Variants in ZNF529 observed in about 807,000 individuals in gnomAD.
ZNF529 encodes zinc finger protein 529.
A neutral mutation model predicts 10.1 loss-of-function variants in ZNF529; 11 were observed. That is an observed-to-expected ratio of 1.09 (90% CI 0.69 to 1.81). The LOEUF (loss-of-function observed/expected upper bound fraction) is 1.81. Ranked by LOEUF, ZNF529 falls within the 40% of genes most tolerant of loss-of-function variation. The pLI, the probability that ZNF529 is intolerant of heterozygous loss-of-function variation, is 0.00. For synonymous variants in ZNF529, 204 were observed against 215.7 expected (o/e 0.95, Z 0.47); for missense variants, 624 against 666.8 (o/e 0.94, Z 0.71).
In ZNF529 at chr19:36,547,624, A is replaced by T. The variant is rs779400787; in HGVS notation, c.934T>A (p.Cys312Ser). ...CTGAAGTCCTTGCCACATTCCATAC[A>T]TTTGTAAGTTTTCTCATCAGTATGG... ...KIHTDEKTYK[C>S]MECGKDFRFH... Residue 312 changes from cysteine (C) to serine (S), a missense_variant, in exon 5 of 5, where the codon TGT becomes AGT. Cys to Ser is a moderately radical substitution (Grantham distance 112). Coordinates refer to ENST00000591340, the MANE Select transcript of ZNF529 (RefSeq NM_020951.5). 4 of 1,613,588 alleles carry T rather than the reference A, an allele frequency of 2.5e-6. No homozygotes were observed. The highest frequency in any genetic ancestry group is 3.4e-6 in the Non-Finnish European group (4 of 1,179,730).
intron 2 of ZNF529, among the ~76,000 whole-genome samples, chr19:36,570,455 G>T (rs893453087): frequency 2.0e-5 from 3 of 152,024 alleles, no homozygotes; most frequent in Non-Finnish European, 4.4e-5. Context: ...GAGCTTCCCT[G>T]GTTGGCCACG....
At chr19:36,602,402 A>G (rs1440029509) in intron 1 of ZNF529, among the ~76,000 whole-genome samples, 1 of 152,096 alleles carries the variant, frequency 6.6e-6, no homozygotes, top group Non-Finnish European at 1.5e-5. Context: ...ACACAAATTT[A>G]AATTGCATAT....
In ZNF529 at chr19:36,572,326, A is replaced by AC; in HGVS notation, c.14+6_14+7insG. On this transcript the variant is annotated splice_region_variant and intron_variant, in intron 2 of 4. Transcript: ENST00000591340. ...GACCAGGTAAATGAACAAAAAAAAA[A>AC]ACTAACCTTGAGTTGGCCATTAGTA... 6.4e-7 allele frequency: 1 copy of AC among 1,551,102 alleles called. No homozygotes were observed. The highest frequency in any genetic ancestry group is 2.4e-5 in the East Asian group (1 of 40,894).
chr19:36,595,532 C>T (rs774923277), intron 1 of ZNF529, among the ~76,000 whole-genome samples: 1 of 152,012 alleles, frequency 6.6e-6, no homozygotes, highest in Non-Finnish European at 1.5e-5. Context: ...CCTGTCCCTA[C>T]AACAAAACAT....
chr19:36,554,789 A>G lies in ZNF529; in HGVS notation c.116T>C (p.Val39Ala), dbSNP rs1162334501. The G allele has an allele frequency of 6.4e-7, 1 of 1,558,266 alleles. No homozygotes were observed. Among genetic ancestry groups the G allele is most frequent in the East Asian group, 2.3e-5 (1 of 42,578 alleles). ...FTVLTMDHEL[V>A]TLRDVVINFS... is the part of the protein sequence containing the mutation. ...GTTGATGACCACATCCCTGAGTGTC[A>G]CCAGTTCCTGAAACAACAAACCCGT... is the stretch of plus-strand genomic sequence containing the variant. The change falls in exon 4 of 5, where the codon GTG becomes GCG. Residue 39 changes from valine (V) to alanine (A), a missense_variant. By Grantham distance (64) the Val-to-Ala change is moderately conservative. Transcript: ENST00000591340.
intron 2 of ZNF529, among the ~76,000 whole-genome samples, chr19:36,585,692 G>A (rs2036565231): frequency 1.3e-5 from 2 of 152,170 alleles, no homozygotes; most frequent in Admixed American, 6.5e-5. Context: ...AGATTACTAT[G>A]AATTTTTCCT....
intron 2 of ZNF529, among the ~76,000 whole-genome samples, chr19:36,571,584 AG>A (rs2036110655): frequency 6.6e-6 from 1 of 151,820 alleles, no homozygotes; most frequent in Non-Finnish European, 1.5e-5. Context: ...CTGAGGCAGG[AG>A]ACTCACTTGA....
intron 2 of ZNF529, among the ~76,000 whole-genome samples, chr19:36,564,554 C>G (rs2035826107): frequency 6.6e-6 from 1 of 152,188 alleles, no homozygotes; most frequent in Admixed American, 6.5e-5. Context: ...AGTTAGCCAT[C>G]TCATATCAGT....
At chr19:36,558,112 AT>A (rs1403981113) in intron 2 of ZNF529, among the ~76,000 whole-genome samples, 1 of 152,186 alleles carries the variant, frequency 6.6e-6, no homozygotes, top group Non-Finnish European at 1.5e-5. Context: ...TTGAAGACAG[AT>A]TAATAGCAAT....
At position 36,554,733 on chromosome 19, in the gene ZNF529, A is replaced by G. The variant is rs2035398841; in HGVS notation, c.172T>C (p.Ser58Pro). The G allele has an allele frequency of 3.2e-6, 5 of 1,578,280 alleles. No homozygotes were observed. Among genetic ancestry groups the G allele is most frequent in the Non-Finnish European group, 3.4e-6 (4 of 1,161,008 alleles). The change falls in exon 4 of 5, where the codon TCT (serine) becomes CCT (proline). Residue 58 changes from serine to proline, a missense_variant. Physicochemically the swap from Ser to Pro is moderately conservative, Grantham distance 74 (BLOSUM62 -1). Coordinates refer to ENST00000591340, the MANE Select transcript of ZNF529 (RefSeq NM_020951.5). ...TCCCAGTACAAGTTCCTCTGAGCAGAATCCAGATATTCCCATTCCTCCTGA... is the reference window on the plus strand; with the variant it reads ...TCCCAGTACAAGTTCCTCTGAGCAGGATCCAGATATTCCCATTCCTCCTGA... ...FSQEEWEYLD[S>P]AQRNLYWDVM...
chr19:36,592,966 C>T (rs1174118485), intron 1 of ZNF529, among the ~76,000 whole-genome samples: 1 of 152,070 alleles, frequency 6.6e-6, no homozygotes, highest in African/African-American at 2.4e-5. Context: ...ATTTGATAGT[C>T]TATGAAAACT....
chr19:36,546,997 A>C lies in ZNF529; in HGVS notation c.1561T>G (p.Phe521Val), dbSNP rs1449922947. ...CGKAFRHSSS[F>V]TKHQRIHTDD... ...GTATGAATGCGCTGATGTTTGGTAA[A>C]GGATGAACTATGTCTAAAGGCCTTC... The change falls in exon 5 of 5, where the codon TTT becomes GTT. Residue 521 changes from phenylalanine to valine, a missense_variant. By Grantham distance (50) the Phe-to-Val change is conservative. Transcript: ENST00000591340. 1 of 1,613,614 alleles carries C rather than the reference A, an allele frequency of 6.2e-7. No homozygotes were observed. Among genetic ancestry groups the C allele is most frequent in the South Asian group, 1.1e-5 (1 of 91,070 alleles).
intron 1 of ZNF529, among the ~76,000 whole-genome samples, 163 bp from the exon 2 acceptor site, chr19:36,572,555 C>G (rs981371153): frequency 6.6e-6 from 1 of 152,102 alleles, no homozygotes; most frequent in African/African-American, 2.4e-5. Flanking sequence ...GAAAAAGGTA[C>G]GACCAATGCC....
chr19:36,568,225 T>G (rs2035967606), intron 2 of ZNF529, among the ~76,000 whole-genome samples: 1 of 152,134 alleles, frequency 6.6e-6, no homozygotes, highest in Admixed American at 6.5e-5. Flanking sequence ...TGGAAATCAC[T>G]CAAAGACTGT....
rs12461707 is a variant in ZNF529, at chr19:36,572,445, A to T, written c.-46-53T>A. 4,655 of 1,398,458 alleles carry T rather than the reference A, an allele frequency of 3.3e-3. 136 individuals are homozygous for T. In the Admixed American group the frequency reaches 0.056, roughly 17 times the overall value. 86.6% of individuals were successfully genotyped at this position (1,398,458 alleles called of 1,614,324 possible). On this transcript the variant is annotated intron_variant, in intron 1 of 4. Transcript: ENST00000591340. ...CATGACATCCTGGACTGGTTAAATA[A>T]GAACACAGTGTTCACCACCAGAAAA...
intron 2 of ZNF529, chr19:36,580,341 T>G (rs1348805271): frequency 7.5e-6 from 1 of 132,576 alleles, no homozygotes; most frequent in African/African-American, 3.2e-5. Flanking sequence ...AAACTAGTAA[T>G]GTAATCACTT....
intron 2 of ZNF529, among the ~76,000 whole-genome samples, chr19:36,585,673 A>C (rs993769265): frequency 6.6e-6 from 1 of 152,244 alleles, no homozygotes; most frequent in South Asian, 2.1e-4. Context: ...GGCACTCTGC[A>C]TACAAAAGAG....
intron 2 of ZNF529, among the ~76,000 whole-genome samples, chr19:36,583,797 G>C (rs540847502): frequency 6.6e-6 from 1 of 152,004 alleles, no homozygotes; most frequent in South Asian, 2.1e-4. Context: ...AACAAGCACA[G>C]CTCAAAATTA....
At chr19:36,583,208 C>G (rs1203825679) in intron 2 of ZNF529, among the ~76,000 whole-genome samples, 1 of 151,826 alleles carries the variant, frequency 6.6e-6, no homozygotes. Flanking sequence ...CAGGTGGGCA[C>G]CACTATGGCC....
Sources: allele counts gnomAD v4.1 joint callset (sites outside exome capture counted in the v4.1 genomes callset), GRCh38; gene constraint gnomAD v4.1.1; transcripts MANE v1.5; gene names NCBI Gene and HGNC (gene_info 2026-07-23, HGNC 2026-07-21).